Variants in GPM6A observed in about 807,000 individuals in gnomAD.
GPM6A encodes glycoprotein M6A, also known as neuronal membrane glycoprotein M6-a.
In GPM6A, 7 loss-of-function variants were observed where a neutral mutation model predicts 32.1. That is an observed-to-expected ratio of 0.22 (90% CI 0.12 to 0.41). GPM6A has a LOEUF of 0.41. Among genes scored for constraint, GPM6A ranks in the 10% least tolerant of loss-of-function variants. The pLI, the probability that GPM6A is intolerant of heterozygous loss-of-function variation, is 1.00. For missense variants in GPM6A, 235 were observed against 347.2 expected (o/e 0.68, Z 2.57); for synonymous variants, 130 against 123.4 (o/e 1.05, Z -0.35).
intron 1 of GPM6A, among the ~76,000 whole-genome samples, chr4:175,840,489 C>CT: frequency 6.6e-6 from 1 of 152,254 alleles, no homozygotes. Flanking sequence ...ACCAGCCTGG[C>CT]TAACATGGCG....
intron 1 of GPM6A, among the ~76,000 whole-genome samples, chr4:175,933,836 G>A (rs1739137049): frequency 6.6e-6 from 1 of 152,214 alleles, no homozygotes; most frequent in South Asian, 2.1e-4. Flanking sequence ...GAGCCACTGC[G>A]CCCGGCCAGA....
At chr4:175,853,094 CT>C (rs1446566137) in intron 1 of GPM6A, among the ~76,000 whole-genome samples, 4 of 152,098 alleles carry the variant, frequency 2.6e-5, no homozygotes, top group African/African-American at 9.7e-5. Context: ...CTACAGAACA[CT>C]ATTGAATGTT....
chr4:175,893,359 T>C (rs1737703538), intron 1 of GPM6A, among the ~76,000 whole-genome samples: 1 of 152,230 alleles, frequency 6.6e-6, no homozygotes, highest in Admixed American at 6.5e-5. Flanking sequence ...GATCAGCGTT[T>C]TTTATTTTTT....
At chr4:175,972,585 G>A (rs965570725) in intron 1 of GPM6A, among the ~76,000 whole-genome samples, 3 of 152,144 alleles carry the variant, frequency 2.0e-5, no homozygotes, top group Admixed American at 6.5e-5. Context: ...GTAATTTACG[G>A]TGCTAGGATC....
At chr4:175,864,142 G>A (rs1285128427) in intron 1 of GPM6A, among the ~76,000 whole-genome samples, 1 of 152,114 alleles carries the variant, frequency 6.6e-6, no homozygotes, top group African/African-American at 2.4e-5. Flanking sequence ...ATAAAATAAA[G>A]TTGAGCAAGT....
intron 1 of GPM6A, among the ~76,000 whole-genome samples, chr4:175,739,426 A>G (rs978941375): frequency 1.3e-5 from 2 of 152,180 alleles, no homozygotes; most frequent in African/African-American, 4.8e-5. Context: ...CTATTGCTAG[A>G]AACAAATGTT....
intron 1 of GPM6A, among the ~76,000 whole-genome samples, chr4:175,776,937 C>T (rs1733419471): frequency 6.6e-6 from 1 of 152,098 alleles, no homozygotes; most frequent in Admixed American, 6.6e-5. Flanking sequence ...CAACAGCAAG[C>T]CCTGTATAAA....
chr4:175,663,758 G>A (rs1379814964), intron 3 of GPM6A, among the ~76,000 whole-genome samples: 3 of 149,042 alleles, frequency 2.0e-5, no homozygotes, highest in Admixed American at 1.3e-4. Context: ...CAGTGGCGCA[G>A]TCTCGGCTCA....
intron 1 of GPM6A, among the ~76,000 whole-genome samples, chr4:175,777,471 A>C (rs1733441409): frequency 6.6e-6 from 1 of 152,078 alleles, no homozygotes; most frequent in Non-Finnish European, 1.5e-5. Flanking sequence ...ACATGCAGTT[A>C]TCTCTTCATA....
At chr4:175,645,321 G>A (rs2333250) in intron 4 of GPM6A, among the ~76,000 whole-genome samples, 102,882 of 152,018 alleles carry the variant, frequency 0.68, 37,156 homozygotes, top group South Asian at 0.8. Flanking sequence ...AAAATGATGC[G>A]TAATGTGTGT....
chr4:175,792,906 T>C (rs1406830155), intron 1 of GPM6A, among the ~76,000 whole-genome samples: 1 of 152,158 alleles, frequency 6.6e-6, no homozygotes, highest in Non-Finnish European at 1.5e-5. Flanking sequence ...TGGCCGACCA[T>C]GGTGACGCAT....
At chr4:176,002,058 C>A (rs1346057314) in intron 1 of GPM6A, among the ~76,000 whole-genome samples, 1 of 152,134 alleles carries the variant, frequency 6.6e-6, no homozygotes, top group Non-Finnish European at 1.5e-5. Flanking sequence ...CGCAGCCCCC[C>A]ACCCTCCCGA....
At chr4:175,966,984 A>G (rs1740352269) in intron 1 of GPM6A, among the ~76,000 whole-genome samples, 1 of 152,140 alleles carries the variant, frequency 6.6e-6, no homozygotes, top group Non-Finnish European at 1.5e-5. Context: ...CCTTAATACC[A>G]GAACCATACA....
chr4:175,749,771 A>G (rs912702548), intron 1 of GPM6A, among the ~76,000 whole-genome samples: 1 of 152,174 alleles, frequency 6.6e-6, no homozygotes, highest in African/African-American at 2.4e-5. Flanking sequence ...TGTCATGATA[A>G]TCAGGGTGTG....
intron 2 of GPM6A, among the ~76,000 whole-genome samples, chr4:175,697,163 C>T (rs1355427944): frequency 6.6e-6 from 1 of 152,164 alleles, no homozygotes. Context: ...AAGACTGTTC[C>T]TTGCCCAGTC....
intron 1 of GPM6A, among the ~76,000 whole-genome samples, chr4:175,861,725 G>A (rs1161115643): frequency 6.9e-6 from 1 of 145,912 alleles, no homozygotes; most frequent in African/African-American, 2.5e-5. Context: ...ACTCCAGGCT[G>A]GGTGAGAGAG....
At chr4:175,812,067 G>A (rs1734940800) in intron 1 of GPM6A, 124 bp downstream of exon 1, 1 of 697,548 alleles carries the variant, frequency 1.4e-6, no homozygotes, top group Admixed American at 2.6e-5. Flanking sequence ...GACTAAAGGA[G>A]AGGAAGGAAC....
intron 1 of GPM6A, among the ~76,000 whole-genome samples, chr4:175,869,808 C>T (rs1736850617): frequency 6.6e-6 from 1 of 152,024 alleles, no homozygotes; most frequent in Admixed American, 6.5e-5. Context: ...AGAGCACTTA[C>T]TTTGTGCCAA....
intron 1 of GPM6A, chr4:175,811,918 G>C (rs1734934549): frequency 3.5e-6 from 1 of 288,884 alleles, no homozygotes. Flanking sequence ...GGTTAACAAA[G>C]ACTGGTCTAA....
Sources: allele counts gnomAD v4.1 joint callset (sites outside exome capture counted in the v4.1 genomes callset), GRCh38; gene constraint gnomAD v4.1.1; transcripts MANE v1.5; gene names NCBI Gene and HGNC (gene_info 2026-07-23, HGNC 2026-07-21).